Variants in EIF2S2 observed in about 807,000 individuals in gnomAD.
The protein encoded by EIF2S2 is eukaryotic translation initiation factor 2 subunit beta.
EIF2S2 carries 4 observed loss-of-function variants against 44.0 expected under a neutral mutation model. The ratio of observed to expected loss-of-function variants is 0.09; its 90% CI spans 0.04 to 0.21. The LOEUF (loss-of-function observed/expected upper bound fraction) is 0.21, where lower values mean the gene tolerates loss of function less well. Among genes scored for constraint, EIF2S2 ranks in the 10% least tolerant of loss-of-function variants. The pLI is 1.00. For missense variants in EIF2S2, 154 were observed against 392.0 expected (o/e 0.39, Z 5.13); for synonymous variants, 108 against 128.3 (o/e 0.84, Z 1.07).
intron 3 of EIF2S2, among the ~76,000 whole-genome samples, chr20:34,099,316 C>T (rs1386477624): frequency 1.3e-5 from 2 of 151,414 alleles, no homozygotes; most frequent in African/African-American, 4.9e-5. Context: ...GAGATCGTGC[C>T]ACCGCACTCC....
At chr20:34,109,683 C>CA (rs2034389396) in intron 1 of EIF2S2, among the ~76,000 whole-genome samples, 2 of 151,030 alleles carry the variant, frequency 1.3e-5, no homozygotes, top group Non-Finnish European at 3.0e-5. Context: ...ACAACAAAAA[C>CA]AAACAAAAAA....
chr20:34,109,615 G>A (rs575785880), intron 1 of EIF2S2, among the ~76,000 whole-genome samples: 1 of 152,026 alleles, frequency 6.6e-6, no homozygotes, highest in South Asian at 2.1e-4. Context: ...AGCTATGATT[G>A]TGCCACCGCA....
chr20:34,110,096 C>CAAAAAAAAAAAAAAA (rs11167227), intron 1 of EIF2S2, among the ~76,000 whole-genome samples: 1 of 86,192 alleles, frequency 1.2e-5, no homozygotes, highest in African/African-American at 4.3e-5. Context: ...AATTCCATCT[C>CAAAAAAAAAAAAAAA]AAAAAAAAAA....
chr20:34,105,927 T>C (rs541484575), intron 1 of EIF2S2, among the ~76,000 whole-genome samples: 1 of 152,148 alleles, frequency 6.6e-6, no homozygotes, highest in Admixed American at 6.6e-5. Context: ...AATTTTTTTG[T>C]ATTGTTTTTT....
At chr20:34,093,590 C>A in intron 7 of EIF2S2, 85 bp downstream of exon 7, 1 of 1,206,396 alleles carries the variant, frequency 8.3e-7, no homozygotes, top group Non-Finnish European at 1.2e-6. Context: ...TGAACATTTT[C>A]TCTAAGTGTG....
chr20:34,109,654 C>G (rs1180470616), intron 1 of EIF2S2, among the ~76,000 whole-genome samples: 2 of 151,892 alleles, frequency 1.3e-5, no homozygotes, highest in Admixed American at 6.6e-5. Context: ...GAGCGAGACC[C>G]TGTCTCTAAA....
At chr20:34,107,789 G>A (rs1359749549) in intron 1 of EIF2S2, among the ~76,000 whole-genome samples, 1 of 152,172 alleles carries the variant, frequency 6.6e-6, no homozygotes, top group East Asian at 1.9e-4. Flanking sequence ...TCCTTGCCCA[G>A]TAGAGAAGTA....
At chr20:34,098,028 C>T (rs1191421622) in intron 4 of EIF2S2, among the ~76,000 whole-genome samples, 1 of 152,076 alleles carries the variant, frequency 6.6e-6, no homozygotes, top group African/African-American at 2.4e-5. Context: ...GACGGATCAC[C>T]TGAGGTTGGG....
Position 34,096,644 on chromosome 20 carries a change from T to C in EIF2S2, c.683+13A>G, listed in dbSNP as rs1601532481. The C allele has an allele frequency of 6.3e-7, 1 of 1,586,588 alleles. No individual in the cohort carries two copies. On this transcript the variant is annotated intron_variant, in intron 6 of 8. Transcript: ENST00000374980. ...TGGCATTTGGGATGAAGGTACTCCA[T>C]TAACCAACTTACAGTTTACAGATAT... is the stretch of plus-strand genomic sequence containing the variant.
chr20:34,103,683 C>T, intron 2 of EIF2S2, 118 bp from the exon 3 acceptor site: 1 of 1,337,490 alleles, frequency 7.5e-7, no homozygotes, highest in South Asian at 1.6e-5. Context: ...ATTAATTAGT[C>T]CCTCCACAAT....
intron 2 of EIF2S2, 73 bp from the exon 3 acceptor site, chr20:34,103,638 T>G: frequency 1.4e-6 from 2 of 1,422,286 alleles, no homozygotes; most frequent in Non-Finnish European, 1.8e-6. Context: ...CAAACATAGT[T>G]CAGCAATTAA....
intron 1 of EIF2S2, 59 bp downstream of exon 1, chr20:34,112,037 G>T: frequency 7.3e-7 from 1 of 1,375,362 alleles, no homozygotes; most frequent in Admixed American, 2.9e-5. Flanking sequence ...CTCCCACACT[G>T]GAGTGGGTTA....
At position 34,105,499 on chromosome 20, in the gene EIF2S2, T is replaced by G. The variant is rs1601538595; in HGVS notation, c.62A>C (p.Lys21Thr). Residue 21 changes from lysine to threonine, a missense_variant, in exon 2 of 9, where the codon AAG (lysine) becomes ACG (threonine). Lys to Thr is a moderately conservative substitution (Grantham distance 78, BLOSUM62 -1). This residue lies in a region of EIF2S2 where 134 missense variants were observed against 225.0 expected (regional missense o/e 0.60). Coordinates refer to ENST00000374980, the MANE Select transcript of EIF2S2 (RefSeq NM_003908.5). ...TMSKKKKKKK[K>T]PFMLDEEGDT... ...CCCTTCCTCATCTAACATAAAAGGC[T>G]TCTTCTTCTTCTTTTTCTTCTTGCT... is the stretch of plus-strand genomic sequence containing the variant. The G allele has an allele frequency of 6.2e-7, 1 of 1,608,920 alleles. No homozygotes were observed. The highest frequency in any genetic ancestry group is 2.2e-5 in the East Asian group (1 of 44,854).
intron 1 of EIF2S2, among the ~76,000 whole-genome samples, chr20:34,106,429 T>A (rs1362758848): frequency 4.6e-4 from 5 of 10,988 alleles, no homozygotes; most frequent in African/African-American, 6.6e-4. Flanking sequence ...TAAAGGTTCT[T>A]TTTTTTTTTT....
chr20:34,093,635 T>C (rs760069567), intron 7 of EIF2S2, 40 bp downstream of exon 7: 2 of 1,507,494 alleles, frequency 1.3e-6, no homozygotes, highest in South Asian at 1.2e-5. Context: ...TCTTATGAAA[T>C]GTCCAGCAGT....
chr20:34,105,928 ATT>A (rs916358298), intron 1 of EIF2S2, among the ~76,000 whole-genome samples: 2 of 152,034 alleles, frequency 1.3e-5, no homozygotes, highest in Admixed American at 6.6e-5. Context: ...ATTTTTTTGT[ATT>A]GTTTTTTCTT....
At chr20:34,095,130 A>C (rs1374644544) in intron 6 of EIF2S2, among the ~76,000 whole-genome samples, 1 of 152,222 alleles carries the variant, frequency 6.6e-6, no homozygotes. Flanking sequence ...AACTTATGGA[A>C]CTGTTAAAAT....
At chr20:34,109,517 G>A (rs1014499661) in intron 1 of EIF2S2, among the ~76,000 whole-genome samples, 55 of 152,012 alleles carry the variant, frequency 3.6e-4, no homozygotes, top group African/African-American at 1.3e-3. Flanking sequence ...AAAAATTAGC[G>A]GGTGCAAGAG....
At chr20:34,104,712 C>G (rs932441085) in intron 2 of EIF2S2, among the ~76,000 whole-genome samples, 2 of 152,186 alleles carry the variant, frequency 1.3e-5, no homozygotes, top group Admixed American at 1.3e-4. Flanking sequence ...ATTTTAGGAT[C>G]CTTCTGCTAC....
Sources: gnomAD v4.1 joint callset for allele counts (sites outside exome capture counted in the v4.1 genomes callset) on GRCh38, gnomAD v4.1.1 for gene constraint, gnomAD v4.1.1 regional missense constraint, MANE v1.5 for transcripts, NCBI Gene and HGNC (gene_info 2026-07-23, HGNC 2026-07-21) for gene names.